The following SHB variants were observed in gnomAD, a reference collection of about 807,000 sequenced individuals.
The protein encoded by SHB is SH2 domain-containing adapter protein B.
In SHB, 20 loss-of-function variants were observed where a neutral mutation model predicts 52.3. The ratio of observed to expected loss-of-function variants is 0.38; its 90% CI spans 0.27 to 0.56. The LOEUF (loss-of-function observed/expected upper bound fraction) is 0.56, where lower values mean the gene tolerates loss of function less well. SHB is among the 20% of genes least tolerant of loss of function. The pLI, the probability that SHB is intolerant of heterozygous loss-of-function variation, is 0.71. For synonymous variants in SHB, 397 were observed against 316.5 expected (o/e 1.25, Z -2.70); for missense variants, 825 against 723.3 (o/e 1.14, Z -1.61).
chr9:37,973,470 G>A (rs1033881694), intron 3 of SHB, among the ~76,000 whole-genome samples: 6 of 152,144 alleles, frequency 3.9e-5, no homozygotes, highest in Non-Finnish European at 7.4e-5. Context: ...TGATCCACCC[G>A]CCTCGGCCTC....
intron 1 of SHB, among the ~76,000 whole-genome samples, chr9:38,051,185 G>C (rs1821733869): frequency 6.6e-6 from 1 of 152,140 alleles, no homozygotes; most frequent in South Asian, 2.1e-4. Flanking sequence ...GCTCATGCCT[G>C]TAATCCCAGC....
intron 2 of SHB, among the ~76,000 whole-genome samples, chr9:37,984,969 G>A (rs1348520411): frequency 3.3e-5 from 5 of 152,158 alleles, no homozygotes; most frequent in African/African-American, 1.2e-4. Flanking sequence ...CACCCCAACC[G>A]TCACACGGCA....
chr9:37,984,191 C>T (rs567207555), intron 2 of SHB, among the ~76,000 whole-genome samples: 66 of 152,320 alleles, frequency 4.3e-4, no homozygotes, highest in Middle Eastern at 6.8e-3. Flanking sequence ...CTTGGAGCCC[C>T]ATCTCCAAGA....
At chr9:38,065,231 AAAC>A (rs1448502830) in intron 1 of SHB, among the ~76,000 whole-genome samples, 1 of 152,154 alleles carries the variant, frequency 6.6e-6, no homozygotes. Context: ...AATAATGTGA[AAAC>A]AACTGCTTCC....
intron 5 of SHB, among the ~76,000 whole-genome samples, chr9:37,926,645 C>T (rs1832254247): frequency 6.6e-6 from 1 of 152,350 alleles, no homozygotes; most frequent in Admixed American, 6.5e-5. Context: ...CCCCGTTCTC[C>T]CTCAATGTGT....
chr9:38,034,843 T>C (rs1821462537), intron 1 of SHB, among the ~76,000 whole-genome samples: 1 of 152,228 alleles, frequency 6.6e-6, no homozygotes, highest in Non-Finnish European at 1.5e-5. Flanking sequence ...ATTACAGGTG[T>C]GCACCACCAT....
chr9:37,974,964 C>A, intron 2 of SHB, 127 bp from the exon 3 acceptor site: 1 of 809,330 alleles, frequency 1.2e-6, no homozygotes, highest in Non-Finnish European at 2.0e-6. Flanking sequence ...GAGACAGACC[C>A]CTGTCTGGGT....
chr9:37,991,617 G>T (rs1226566628), intron 2 of SHB, among the ~76,000 whole-genome samples: 1 of 152,168 alleles, frequency 6.6e-6, no homozygotes, highest in African/African-American at 2.4e-5. Flanking sequence ...AATGATGAAA[G>T]ATTTCCCTAA....
chr9:38,038,644 C>T (rs934891231), intron 1 of SHB, among the ~76,000 whole-genome samples: 4 of 152,212 alleles, frequency 2.6e-5, no homozygotes, highest in Non-Finnish European at 5.9e-5. Context: ...TGCCTGACTC[C>T]CAGACTCCTT....
rs1832373466 is a variant in SHB at position 37,936,494 on chromosome 9, A to ATAATCTCCAAACG, written c.1346+12128_1346+12140dup. Among the ~76,000 whole-genome samples, 4 of 152,310 alleles carry ATAATCTCCAAACG rather than the reference A, an allele frequency of 2.6e-5. No homozygotes were observed. In the South Asian group the frequency reaches 8.3e-4, roughly 32 times the overall value. On this transcript the variant is annotated intron_variant, in intron 5 of 5. Coordinates refer to ENST00000377707, the MANE Select transcript of SHB (RefSeq NM_003028.3). ...TGTTGTGATTACTTTTCTCCCAAAT[A>ATAATCTCCAAACG]TAATCTCCAAACGTTTCCTGAGTAC... is the stretch of plus-strand genomic sequence containing the variant.
chr9:38,054,785 A>C (rs1821793848), intron 1 of SHB, among the ~76,000 whole-genome samples: 1 of 152,270 alleles, frequency 6.6e-6, no homozygotes, highest in African/African-American at 2.4e-5. Context: ...TCAACCAACG[A>C]GTTCCTGTGA....
chr9:38,040,322 C>T (rs141861850), intron 1 of SHB, among the ~76,000 whole-genome samples: 123 of 152,302 alleles, frequency 8.1e-4, no homozygotes, highest in African/African-American at 2.7e-3. Context: ...GATGATGGTC[C>T]GCTGAGGGCT....
intron 5 of SHB, among the ~76,000 whole-genome samples, chr9:37,932,003 C>T (rs1395053859): frequency 6.6e-6 from 1 of 152,002 alleles, no homozygotes; most frequent in East Asian, 1.9e-4. Context: ...TGTATATGGC[C>T]TGGTGTGGTG....
rs770724149 is a variant in SHB, at chr9:37,974,695, CT to C, written c.980del (p.Gln327ArgfsTer69). 6.2e-7 allele frequency: 1 copy of C among 1,614,088 alleles called. No homozygotes were observed. The highest frequency in any genetic ancestry group is 1.1e-5 in the South Asian group (1 of 91,062). On this transcript the variant is annotated frameshift_variant, in exon 3 of 6. Coordinates refer to ENST00000377707, the MANE Select transcript of SHB (RefSeq NM_003028.3). LOFTEE classifies it high-confidence loss of function. ...ACTCATCGGCGGGCCTGTCGTCATC[CT>C]GGGGCAGCTTGCTCTCCCGCAGTCG... Reference protein sequence around the residue: ...SPRLRESKLPQDDDRPADEYD... With the variant: ...SPRLRESKLPXDDDRPADEYD...
At chr9:37,961,770 G>A (rs1832694532) in intron 3 of SHB, among the ~76,000 whole-genome samples, 1 of 152,174 alleles carries the variant, frequency 6.6e-6, no homozygotes. Flanking sequence ...AGACCCCCAG[G>A]TAGAATTCCT....
chr9:37,996,610 G>GT (rs1820949221), intron 2 of SHB, among the ~76,000 whole-genome samples: 1 of 152,194 alleles, frequency 6.6e-6, no homozygotes, highest in Admixed American at 6.5e-5. Flanking sequence ...GACACAGAGT[G>GT]TCCACTGATG....
intron 5 of SHB, among the ~76,000 whole-genome samples, chr9:37,943,322 G>A (rs1338073323): frequency 2.0e-5 from 3 of 152,076 alleles, no homozygotes; most frequent in African/African-American, 2.4e-5. Context: ...CACATTCTCC[G>A]TGAGTTATAG....
intron 1 of SHB, among the ~76,000 whole-genome samples, chr9:38,060,106 G>C (rs1821873856): frequency 6.6e-6 from 1 of 152,132 alleles, no homozygotes; most frequent in Non-Finnish European, 1.5e-5. Flanking sequence ...TGGCACAGTG[G>C]TTACAAACAG....
chr9:38,000,876 C>T (rs937337847), intron 2 of SHB, among the ~76,000 whole-genome samples: 10 of 152,150 alleles, frequency 6.6e-5, no homozygotes, highest in Admixed American at 4.6e-4. Context: ...GTGCTTTAGT[C>T]CTGGTTTCCT....
Sources: allele counts gnomAD v4.1 joint callset (sites outside exome capture counted in the v4.1 genomes callset), GRCh38; gene constraint gnomAD v4.1.1; transcripts MANE v1.5; gene names NCBI Gene and HGNC (gene_info 2026-07-23, HGNC 2026-07-21).